The following CRTC3 variants were observed in gnomAD, a reference collection of about 807,000 sequenced individuals.
CRTC3 encodes the protein CREB regulated transcription coactivator 3, also known as CREB-regulated transcription coactivator 3.
CRTC3 carries 26 observed loss-of-function variants against 74.5 expected under a neutral mutation model. The observed-to-expected ratio is 0.35, with a 90% confidence interval of 0.26 to 0.48. The LOEUF (loss-of-function observed/expected upper bound fraction) is 0.48, where lower values mean the gene tolerates loss of function less well. Among genes scored for constraint, CRTC3 ranks in the 20% least tolerant of loss-of-function variants. CRTC3 has a pLI of 0.99. For synonymous variants in CRTC3, 377 were observed against 325.8 expected, an observed-to-expected ratio of 1.16 and a Z score of -1.69; for missense variants, 760 against 787.3, an observed-to-expected ratio of 0.97 and a Z score of 0.41.
At chr15:90,602,465 T>C in intron 4 of CRTC3, 80 bp downstream of exon 4, 4 of 817,752 alleles carry the variant, frequency 4.9e-6, no homozygotes, top group Non-Finnish European at 8.3e-6. Flanking sequence ...TTGAATGTTG[T>C]TTAGAAATTT....
intron 2 of CRTC3, among the ~76,000 whole-genome samples, chr15:90,574,747 G>A (rs1010018046): frequency 2.6e-4 from 40 of 152,132 alleles, no homozygotes; most frequent in Admixed American, 2.5e-3. Context: ...AGTCTACATA[G>A]TAGAAAAATT....
intron 2 of CRTC3, among the ~76,000 whole-genome samples, chr15:90,545,460 C>T (rs916177097): frequency 2.0e-5 from 3 of 146,400 alleles, no homozygotes; most frequent in East Asian, 2.0e-4. Flanking sequence ...AGTGTAGTGG[C>T]GTGATCTCAG....
At chr15:90,574,041 A>G (rs7166684) in intron 2 of CRTC3, among the ~76,000 whole-genome samples, 2 of 152,300 alleles carry the variant, frequency 1.3e-5, no homozygotes, top group Non-Finnish European at 2.9e-5. Flanking sequence ...CATCTTGGAG[A>G]TCTTCCCATG....
At chr15:90,572,308 G>C (rs992435406) in intron 2 of CRTC3, among the ~76,000 whole-genome samples, 1 of 152,064 alleles carries the variant, frequency 6.6e-6, no homozygotes, top group Non-Finnish European at 1.5e-5. Context: ...CTCTTATTGA[G>C]AGACAATTAG....
chr15:90,589,108 G>A (rs888718400), intron 2 of CRTC3, among the ~76,000 whole-genome samples: 3 of 152,088 alleles, frequency 2.0e-5, no homozygotes, highest in African/African-American at 7.2e-5. Flanking sequence ...CCAGGCTGGA[G>A]TGCAGTGGCG....
chr15:90,582,312 T>C (rs1967561570), intron 2 of CRTC3, among the ~76,000 whole-genome samples: 1 of 152,222 alleles, frequency 6.6e-6, no homozygotes, highest in Non-Finnish European at 1.5e-5. Flanking sequence ...AAACTTCTAC[T>C]TCTGTGGAGG....
chr15:90,617,897 G>T lies in CRTC3; in HGVS notation c.628G>T (p.Gly210Cys), dbSNP rs766158496. Residue 210 changes from glycine (G) to cysteine (C), a missense_variant, in exon 8 of 15, where the codon GGC becomes TGC. Gly to Cys is a radical substitution (Grantham distance 159). This residue lies in a region of CRTC3 where 652 missense variants were observed against 635.2 expected (regional missense o/e 1.03). Transcript: ENST00000268184. ...TTTCCCTTTAGTAGCATCTTTCCCT[G>T]GCCCATTGAAAGAAGAGAATCTGTT... Reference protein sequence around the residue: ...NGHGEVASFPGPLKEENLLNV... With the variant: ...NGHGEVASFPCPLKEENLLNV... 6.2e-7 allele frequency: 1 copy of T among 1,611,018 alleles called. No homozygotes were observed. Among genetic ancestry groups the T allele is most frequent in the Admixed American group, 1.7e-5 (1 of 59,962 alleles).
At chr15:90,577,325 A>G (rs1277479022) in intron 2 of CRTC3, among the ~76,000 whole-genome samples, 1 of 152,188 alleles carries the variant, frequency 6.6e-6, no homozygotes, top group African/African-American at 2.4e-5. Context: ...ACTGAGAAGG[A>G]TATAAGGGGT....
chr15:90,613,266 C>T (rs1371403412), intron 6 of CRTC3, among the ~76,000 whole-genome samples: 1 of 151,832 alleles, frequency 6.6e-6, no homozygotes, highest in Non-Finnish European at 1.5e-5. Flanking sequence ...GAGGGTTGGG[C>T]CCAAGAATCT....
intron 11 of CRTC3, among the ~76,000 whole-genome samples, chr15:90,633,094 G>C (rs1322330600): frequency 1.3e-5 from 2 of 152,138 alleles, no homozygotes; most frequent in African/African-American, 4.8e-5. Context: ...ATTTTGGTTA[G>C]AGCAATACTC....
At chr15:90,617,825 C>T in intron 7 of CRTC3, 58 bp from the exon 8 acceptor site, 1 of 1,207,388 alleles carries the variant, frequency 8.3e-7, no homozygotes, top group Non-Finnish European at 1.2e-6. Context: ...GCCACCGTGC[C>T]CGGCCTGGAT....
At chr15:90,538,550 G>A (rs922624047) in intron 1 of CRTC3, among the ~76,000 whole-genome samples, 1 of 152,152 alleles carries the variant, frequency 6.6e-6, no homozygotes, top group African/African-American at 2.4e-5. Flanking sequence ...TACCATGTCT[G>A]AAATTTCTGT....
At chr15:90,599,969 C>CT (rs56341607) in intron 3 of CRTC3, among the ~76,000 whole-genome samples, 7,731 of 152,242 alleles carry the variant, frequency 0.051, 255 homozygotes, top group Non-Finnish European at 0.073. Flanking sequence ...TGTTTCCTCC[C>CT]TAATGGCTTT....
chr15:90,620,492 A>G (rs907436524), intron 9 of CRTC3, among the ~76,000 whole-genome samples: 3 of 152,164 alleles, frequency 2.0e-5, no homozygotes, highest in African/African-American at 7.2e-5. Context: ...GTTGAGTCTA[A>G]GAGAGAACGA....
intron 2 of CRTC3, among the ~76,000 whole-genome samples, chr15:90,541,775 C>T (rs1966805393): frequency 7.0e-6 from 1 of 142,666 alleles, no homozygotes; most frequent in South Asian, 2.2e-4. Flanking sequence ...TTGGCCTTCC[C>T]AGGATTCTTT....
intron 9 of CRTC3, among the ~76,000 whole-genome samples, chr15:90,623,471 G>A (rs988705306): frequency 6.6e-6 from 1 of 152,118 alleles, no homozygotes; most frequent in Non-Finnish European, 1.5e-5. Context: ...CCCTGTCTCA[G>A]TGAGGGGCTC....
At chr15:90,630,135 C>T (rs1016986189) in intron 11 of CRTC3, among the ~76,000 whole-genome samples, 10 of 152,082 alleles carry the variant, frequency 6.6e-5, no homozygotes, top group South Asian at 2.1e-4. Context: ...TTGAGAGGAA[C>T]GGTAGGATAT....
At chr15:90,541,060 ATC>A (rs1282962524) in intron 2 of CRTC3, among the ~76,000 whole-genome samples, 1 of 152,204 alleles carries the variant, frequency 6.6e-6, no homozygotes, top group African/African-American at 2.4e-5. Context: ...GGGTGCTTTC[ATC>A]GTTCACATCA....
chr15:90,635,502 A>G (rs145764390), intron 11 of CRTC3, among the ~76,000 whole-genome samples: 1 of 152,236 alleles, frequency 6.6e-6, no homozygotes, highest in Non-Finnish European at 1.5e-5. Context: ...AAAATTAGCC[A>G]GGCGTGTTAG....
Sources: allele counts gnomAD v4.1 joint callset (sites outside exome capture counted in the v4.1 genomes callset), GRCh38; gene constraint gnomAD v4.1.1; regional missense constraint gnomAD v4.1.1; transcripts MANE v1.5; gene names NCBI Gene and HGNC (gene_info 2026-07-23, HGNC 2026-07-21).